Variants in FYB2 observed in about 807,000 individuals in gnomAD.
FYB2 encodes the protein FYN binding protein 2, also known as FYN-binding protein 2.
A neutral mutation model predicts 94.1 loss-of-function variants in FYB2; 103 were observed. The ratio of observed to expected loss-of-function variants is 1.09; its 90% CI spans 0.93 to 1.29. FYB2 has a LOEUF of 1.29. Among genes scored for constraint, FYB2 ranks in the 50% most tolerant of loss-of-function variants. The pLI is 0.00. For missense variants in FYB2, 896 were observed against 841.5 expected, an observed-to-expected ratio of 1.06 and a Z score of -0.80; for synonymous variants, 293 against 287.9, an observed-to-expected ratio of 1.02 and a Z score of -0.18.
rs1646302141 is a variant in FYB2 at position 56,792,735 on chromosome 1, T to C, written c.78A>G (p.Gly26=). The change falls in exon 2 of 20, where the codon GGA becomes GGG. Residue 26 remains glycine, a synonymous_variant. Coordinates refer to ENST00000343433, the MANE Select transcript of FYB2 (RefSeq NM_001004303.5). ...FQNLDAPPLP[G]PIKFPAGVSP... is the part of the protein sequence containing the mutation. ...AAACACCTGCTGGGAATTTAATAGG[T>C]CCTGGAAGAGGTGGAGCATCAAGAT... The C allele has an allele frequency of 6.2e-7, 1 of 1,613,960 alleles. No homozygotes were observed.
intron 4 of FYB2, among the ~76,000 whole-genome samples, chr1:56,779,739 G>A (rs971400848): frequency 1.3e-5 from 2 of 152,122 alleles, no homozygotes; most frequent in African/African-American, 2.4e-5. Context: ...CTGTTTACTA[G>A]GTCTTGTAAA....
At chr1:56,738,239 G>A (rs1324286296) in intron 14 of FYB2, among the ~76,000 whole-genome samples, 1 of 152,100 alleles carries the variant, frequency 6.6e-6, no homozygotes, top group African/African-American at 2.4e-5. Context: ...TCTTAATTAG[G>A]ATGAAGGATA....
chr1:56,780,324 C>T (rs1335275341), intron 4 of FYB2, among the ~76,000 whole-genome samples: 1 of 152,204 alleles, frequency 6.6e-6, no homozygotes, highest in Non-Finnish European at 1.5e-5. Context: ...TCACACAGAT[C>T]CCTCTGCACA....
rs1646760014 is a variant in FYB2, at chr1:56,811,236, AC to A, written c.9+8045del. ...TGAAGGTTTAAAGCACACATTCTAT[AC>A]GAGTTTCTCTCTCTCAGAAACTCTA... On this transcript the variant is annotated intron_variant, in intron 1 of 19. Coordinates refer to ENST00000343433, the MANE Select transcript of FYB2 (RefSeq NM_001004303.5). 2.0e-5 allele frequency among the ~76,000 whole-genome samples: 3 copies of A among 152,230 alleles called. No homozygotes were observed. In the South Asian group the frequency reaches 6.2e-4, roughly 31 times the overall value.
At chr1:56,772,924 T>G (rs1274789155) in intron 4 of FYB2, among the ~76,000 whole-genome samples, 1 of 152,182 alleles carries the variant, frequency 6.6e-6, no homozygotes, top group Non-Finnish European at 1.5e-5. Context: ...AATTTTTTAT[T>G]AGTGGCATAG....
chr1:56,737,339 C>A, intron 14 of FYB2, 192 bp from the exon 15 acceptor site: 1 of 415,328 alleles, frequency 2.4e-6, no homozygotes, highest in Non-Finnish European at 4.2e-6. Context: ...GGAAGAAATT[C>A]AACTGAAAGA....
intron 6 of FYB2, among the ~76,000 whole-genome samples, chr1:56,757,707 TTTCTTTCTTTCTTTCTTTCTTTCTTTCA>T (rs796881403): frequency 0.062 from 5,403 of 86,758 alleles, 246 homozygotes; most frequent in African/African-American, 0.15. Context: ...TCTTTCTTTC[TTTCTTTCTTTCTTTCTTTCTTTCTTTCA>T]TTCTTTCTTT....
chr1:56,787,658 G>A lies in FYB2; in HGVS notation c.920-450C>T, dbSNP rs150152915. Among the ~76,000 whole-genome samples, 83 of 152,252 alleles carry A rather than the reference G, an allele frequency of 5.5e-4. No homozygotes were observed. In the East Asian group the frequency reaches 0.015, roughly 27 times the overall value. On this transcript the variant is annotated intron_variant, in intron 3 of 19. Coordinates refer to ENST00000343433, the MANE Select transcript of FYB2 (RefSeq NM_001004303.5). The stretch of plus-strand genomic sequence containing the variant: ...TCACAATAATCCTAAGAGATCAGTG[G>A]TATCCCCATTTTACAGATAAGGAAA...
chr1:56,797,372 C>T (rs1646423847), intron 1 of FYB2, among the ~76,000 whole-genome samples: 1 of 152,120 alleles, frequency 6.6e-6, no homozygotes, highest in Non-Finnish European at 1.5e-5. Context: ...TAACTGATTC[C>T]TCTTTCATGA....
intron 5 of FYB2, among the ~76,000 whole-genome samples, chr1:56,764,704 C>G (rs1645580276): frequency 6.6e-6 from 1 of 152,156 alleles, no homozygotes. Flanking sequence ...AGTATTTCAG[C>G]CATCTCAATT....
rs1362458993 is a variant in FYB2, at chr1:56,742,164, ATCTTTGGGTAGTTGT to A, written c.1586_1600del (p.Asn529_Lys533del). 2 of 1,603,876 alleles carry A rather than the reference ATCTTTGGGTAGTTGT, an allele frequency of 1.2e-6. No homozygotes were observed. The stretch of plus-strand genomic sequence containing the variant: ...GCCAAGAAAGAGAGAAACTCACTCT[ATCTTTGGGTAGTTGT>A]TCTTTGTTTTGTAGACATCTTCATA... On this transcript the variant is annotated inframe_deletion, in exon 12 of 20. Transcript: ENST00000343433.
intron 9 of FYB2, among the ~76,000 whole-genome samples, chr1:56,746,228 C>A (rs1645064088): frequency 6.6e-6 from 1 of 151,970 alleles, no homozygotes; most frequent in Admixed American, 6.6e-5. Flanking sequence ...CAGTGCTGGG[C>A]ACATAAAAAG....
At chr1:56,819,144 G>C in intron 1 of FYB2, 138 bp downstream of exon 1, 1 of 902,782 alleles carries the variant, frequency 1.1e-6, no homozygotes, top group Non-Finnish European at 1.7e-6. Flanking sequence ...AAATGCACTG[G>C]CTGACACCTG....
In FYB2 at chr1:56,751,073, G is replaced by A. The variant is rs1645186327; in HGVS notation, c.1358C>T (p.Pro453Leu). 2 of 1,612,524 alleles carry A rather than the reference G, an allele frequency of 1.2e-6. No individual in the cohort carries two copies. Among genetic ancestry groups the A allele is most frequent in the African/African-American group, 1.3e-5 (1 of 74,770 alleles). The change falls in exon 9 of 20, where the codon CCA (proline) becomes CTA (leucine). Residue 453 changes from proline to leucine, a missense_variant. Transcript: ENST00000343433. The part of the protein sequence containing the change: ...IIQTNPCPEG[P>L]KLARHSQGHC... The stretch of plus-strand genomic sequence containing the variant: ...GCCTTGGGAGTGCCTGGCCAGCTTT[G>A]GGCCCTCAGGGCAGGGATTTGTCTG...
chr1:56,751,687 A>G (rs1251141846), intron 8 of FYB2, among the ~76,000 whole-genome samples: 3 of 151,904 alleles, frequency 2.0e-5, no homozygotes, highest in East Asian at 3.9e-4. Context: ...CCCACCCACC[A>G]TTCTTCTGTT....
chr1:56,768,060 A>G lies in FYB2; in HGVS notation c.954-122T>C. On this transcript the variant is annotated intron_variant, in intron 4 of 19. Coordinates refer to ENST00000343433, the MANE Select transcript of FYB2 (RefSeq NM_001004303.5). ...CTGGCCAATATGGTGACCTAAGCAT[A>G]TATGGGAGGCACACTACCCCTACTC... 10 of 677,918 alleles carry G rather than the reference A, an allele frequency of 1.5e-5. No individual in the cohort carries two copies. The South Asian group carries it at 1.6e-4, about 11-fold the overall frequency. The allele number at this position is 677,918 out of a possible 1,614,324, so 42.0% of individuals were successfully genotyped here. A position where few individuals can be genotyped will look rare whatever the true frequency, so the allele number is the denominator to read the frequency against.
rs545381345 is a variant in FYB2, at chr1:56,733,643, C to T, written c.1793+3444G>A. Among the ~76,000 whole-genome samples the T allele has an allele frequency of 2.0e-5, 3 of 152,158 alleles. No homozygotes were observed. In the South Asian group the frequency reaches 6.2e-4, roughly 32 times the overall value. On this transcript the variant is annotated intron_variant, in intron 15 of 19. Transcript: ENST00000343433. ...TTCTGGTACGTTGTGTCTTTGTTCTCATTGGTTTCAAAGAACATCTTTATT... is the reference window on the plus strand; with the variant it reads ...TTCTGGTACGTTGTGTCTTTGTTCTTATTGGTTTCAAAGAACATCTTTATT...
intron 15 of FYB2, 67 bp downstream of exon 15, chr1:56,737,020 T>C: frequency 8.3e-7 from 1 of 1,203,236 alleles, no homozygotes; most frequent in Non-Finnish European, 1.2e-6. Flanking sequence ...TCTGTGATCA[T>C]AATTAAGAAA....
At chr1:56,751,741 A>G (rs1198310178) in intron 8 of FYB2, among the ~76,000 whole-genome samples, 1 of 152,056 alleles carries the variant, frequency 6.6e-6, no homozygotes, top group African/African-American at 2.4e-5. Context: ...GCATTTGTCA[A>G]GCACTTACAG....
Sources: allele counts gnomAD v4.1 joint callset (sites outside exome capture counted in the v4.1 genomes callset), GRCh38; gene constraint gnomAD v4.1.1; transcripts MANE v1.5; gene names NCBI Gene and HGNC (gene_info 2026-07-23, HGNC 2026-07-21).